BMAL1: variants seen among roughly 807,000 people sequenced by gnomAD.
BMAL1 encodes basic helix-loop-helix ARNT like 1, also known as basic helix-loop-helix ARNT-like protein 1.
At chr11:13,371,003 T>TA in the BMAL1 span, among the ~76,000 whole-genome samples, 2 of 152,210 alleles carry the variant, frequency 1.3e-5, no homozygotes, top group African/African-American at 4.8e-5. Context: ...CCTTATGTCT[T>TA]ATAGCACCCT....
chr11:13,336,775 T>G, the BMAL1 span, among the ~76,000 whole-genome samples: 4 of 152,212 alleles, frequency 2.6e-5, no homozygotes, highest in African/African-American at 9.7e-5. Flanking sequence ...GAACTGTGAA[T>G]GTGCCAGTGT....
At chr11:13,345,739 T>C in the BMAL1 span, among the ~76,000 whole-genome samples, 1 of 152,166 alleles carries the variant, frequency 6.6e-6, no homozygotes, top group African/African-American at 2.4e-5. Context: ...CCTTGAAAAT[T>C]GGGATAATGA....
At chr11:13,277,648 G>T in the BMAL1 span, 1 of 147,066 alleles carries the variant, frequency 6.8e-6, no homozygotes, top group African/African-American at 2.5e-5. Flanking sequence ...TCGGGCGTTC[G>T]GATTGGCTGG....
chr11:13,363,127 CATATATATATATATATATATATATATAT>C, the BMAL1 span, among the ~76,000 whole-genome samples: 41,704 of 110,210 alleles, frequency 0.38, 6,942 homozygotes, highest in Middle Eastern at 0.54. Context: ...GTCTTTATTT[CATATATATATATATATATATATATATAT>C]ATATATATAT....
At chr11:13,277,507 A>T in the BMAL1 span, 1 of 152,286 alleles carries the variant, frequency 6.6e-6, no homozygotes, top group Non-Finnish European at 1.5e-5. Context: ...TGGTGGCAGG[A>T]AAGTAGCAGG....
At chr11:13,371,272 C>G in the BMAL1 span, among the ~76,000 whole-genome samples, 1 of 152,126 alleles carries the variant, frequency 6.6e-6, no homozygotes, top group Non-Finnish European at 1.5e-5. Flanking sequence ...TCTCTCTCTT[C>G]TAGTCTGTTT....
chr11:13,365,282 A>AACACACATAC, the BMAL1 span: 5 of 181,120 alleles, frequency 2.8e-5, no homozygotes, highest in African/African-American at 1.2e-4. Flanking sequence ...GATATGCAGA[A>AACACACATAC]ACACACACAC....
At chr11:13,378,492 C>T in the BMAL1 span, 7 of 1,571,730 alleles carry the variant, frequency 4.5e-6, no homozygotes, top group South Asian at 1.2e-5. Flanking sequence ...GGTTCTCAAC[C>T]CAGGGAAATT....
At chr11:13,326,969 G>A in the BMAL1 span, among the ~76,000 whole-genome samples, 167 of 152,006 alleles carry the variant, frequency 1.1e-3, no homozygotes, top group African/African-American at 3.8e-3. Context: ...ACAGGCGCCC[G>A]CCACCACGCC....
the BMAL1 span, chr11:13,360,202 C>T: frequency 7.9e-6 from 5 of 632,648 alleles, no homozygotes; most frequent in Non-Finnish European, 1.3e-5. Flanking sequence ...GATCTAGGCT[C>T]ATCTCAGTTA....
At chr11:13,323,804 A>G in the BMAL1 span, among the ~76,000 whole-genome samples, 2 of 152,072 alleles carry the variant, frequency 1.3e-5, no homozygotes, top group Non-Finnish European at 2.9e-5. Flanking sequence ...TTCAGTAGAG[A>G]TGGGGTATCA....
the BMAL1 span, among the ~76,000 whole-genome samples, chr11:13,381,959 T>C: frequency 6.6e-6 from 1 of 152,182 alleles, no homozygotes; most frequent in Non-Finnish European, 1.5e-5. Flanking sequence ...ACACAATGGC[T>C]TCCTTTCCCC....
At chr11:13,377,124 C>T in the BMAL1 span, among the ~76,000 whole-genome samples, 5 of 152,294 alleles carry the variant, frequency 3.3e-5, no homozygotes, top group African/African-American at 4.8e-5. Flanking sequence ...CCACTGGGCT[C>T]CCTTCTCAGG....
the BMAL1 span, among the ~76,000 whole-genome samples, chr11:13,291,366 C>G: frequency 2.0e-5 from 3 of 152,142 alleles, no homozygotes; most frequent in African/African-American, 7.2e-5. Flanking sequence ...AGCAAAATCT[C>G]TGTTTTTAAG....
At chr11:13,290,072 A>G in the BMAL1 span, among the ~76,000 whole-genome samples, 1 of 152,182 alleles carries the variant, frequency 6.6e-6, no homozygotes, top group African/African-American at 2.4e-5. Flanking sequence ...AATGATCACC[A>G]TTCTAACTGG....
At chr11:13,318,695 C>T in the BMAL1 span, among the ~76,000 whole-genome samples, 3 of 151,788 alleles carry the variant, frequency 2.0e-5, no homozygotes, top group Non-Finnish European at 4.4e-5. Context: ...GTCTGTGCCT[C>T]CTTCTAGCTA....
At chr11:13,333,554 A>G in the BMAL1 span, among the ~76,000 whole-genome samples, 1 of 151,932 alleles carries the variant, frequency 6.6e-6, no homozygotes, top group South Asian at 2.1e-4. Context: ...GCACTTATTT[A>G]CTCATTTTCA....
chr11:13,341,187 G>A, the BMAL1 span, among the ~76,000 whole-genome samples: 8 of 152,054 alleles, frequency 5.3e-5, no homozygotes, highest in Admixed American at 1.3e-4. Flanking sequence ...AAGGTCCCAC[G>A]CCTGGCCAGC....
the BMAL1 span, among the ~76,000 whole-genome samples, chr11:13,326,156 A>G: frequency 6.6e-6 from 1 of 151,746 alleles, no homozygotes; most frequent in African/African-American, 2.4e-5. Context: ...TTGAGCCGAT[A>G]TCATGCCACC....
Sources: allele counts gnomAD v4.1 joint callset (sites outside exome capture counted in the v4.1 genomes callset), GRCh38; gene constraint gnomAD v4.1.1; transcripts MANE v1.5; gene names NCBI Gene and HGNC (gene_info 2026-07-23, HGNC 2026-07-21).